Variants in EML2 observed in about 807,000 individuals in gnomAD.
The protein encoded by EML2 is EMAP like 2, also known as echinoderm microtubule-associated protein-like 2.
In EML2, 59 loss-of-function variants were observed where a neutral mutation model predicts 84.7. That is an observed-to-expected ratio of 0.70 (90% confidence interval 0.56 to 0.86). The LOEUF (loss-of-function observed/expected upper bound fraction) is 0.86, where lower values mean the gene tolerates loss of function less well. Among genes scored for constraint, EML2 ranks in the 40% least tolerant of loss-of-function variants. The pLI is 0.00. For missense variants in EML2, 818 were observed against 855.6 expected (o/e 0.96, Z 0.55); for synonymous variants, 352 against 348.9 (o/e 1.01, Z -0.10).
rs1245264666 is a variant in EML2, at chr19:45,613,609, T to G, written c.1756A>C (p.Lys586Gln). The G allele has an allele frequency of 3.1e-6, 5 of 1,613,844 alleles. No homozygotes were observed. The highest frequency in any genetic ancestry group is 4.2e-6 in the Non-Finnish European group (5 of 1,179,990). ...INAVARSHDG[K>Q]LLASADDFGK... ...AAGTCATCAGCTGAAGCCAGCAACT[T>G]CCCATCATGAGAGCGGGCCACAGCG... The change falls in exon 18 of 19, where the codon AAG becomes CAG. Residue 586 changes from lysine (K) to glutamine (Q), a missense_variant. Coordinates refer to ENST00000245925, the MANE Select transcript of EML2 (RefSeq NM_012155.4).
chr19:45,630,517 A>G (rs1020759708), intron 6 of EML2, among the ~76,000 whole-genome samples: 1 of 142,966 alleles, frequency 7.0e-6, no homozygotes, highest in Non-Finnish European at 1.5e-5. Flanking sequence ...GCGCCATTGC[A>G]CTCCAGCCTG....
intron 7 of EML2, 69 bp from the exon 8 acceptor site, chr19:45,626,908 C>T: frequency 6.8e-7 from 1 of 1,481,390 alleles, no homozygotes; most frequent in Non-Finnish European, 9.1e-7. Flanking sequence ...CCGCCCCTCA[C>T]AGGACTGCCC....
Position 45,633,096 on chromosome 19 carries a change from C to T in EML2, c.373G>A (p.Val125Met), listed in dbSNP as rs1175881363. The change falls in exon 5 of 19, where the codon GTG becomes ATG. Residue 125 changes from valine (V) to methionine (M), a missense_variant. By Grantham distance (21) the Val-to-Met change is conservative. Coordinates refer to ENST00000245925, the MANE Select transcript of EML2 (RefSeq NM_012155.4). Reference sequence around the variant, plus strand: ...TTCCCTTCCTTAGTGGTTCCCGCCACCTGTCCCGTGGCGATGGTGACCATA... The same window carrying T: ...TTCCCTTCCTTAGTGGTTCCCGCCATCTGTCCCGTGGCGATGGTGACCATA... Reference protein sequence around the residue: ...PDMVTIATGQVAGTTKEGKPL... With the variant: ...PDMVTIATGQMAGTTKEGKPL... 6.3e-7 allele frequency: 1 copy of T among 1,599,294 alleles called. No homozygotes were observed.
At chr19:45,644,967 G>A, upstream of EML2, 2 of 496,650 alleles carry the variant, frequency 4.0e-6, no homozygotes, top group Non-Finnish European at 7.5e-6. Flanking sequence ...AAAGGGCAGA[G>A]TTCCAGGCCC....
chr19:45,628,371 T>C (rs1228131636), intron 7 of EML2, among the ~76,000 whole-genome samples: 1 of 137,884 alleles, frequency 7.3e-6, no homozygotes, highest in African/African-American at 2.7e-5. Context: ...CCATCTCAAA[T>C]AGAAAAAAAA....
Position 45,634,458 on chromosome 19 carries a change from C to G in EML2, c.193G>C (p.Gly65Arg). 1 of 1,611,308 alleles carries G rather than the reference C, an allele frequency of 6.2e-7. No homozygotes were observed. The highest frequency in any genetic ancestry group is 8.5e-7 in the Non-Finnish European group (1 of 1,179,216). ...LKLEWVYGYR[G>R]RDCRANLYLL... ...TAAAGGTTGGCCCGGCAGTCTCGGC[C>G]ACGGTAGCCATAGCTGGAGCCACCC... Residue 65 changes from glycine to arginine, a missense_variant, in exon 4 of 19, where the codon GGC (glycine) becomes CGC (arginine). Gly to Arg is a moderately radical substitution (Grantham distance 125). Coordinates refer to ENST00000245925, the MANE Select transcript of EML2 (RefSeq NM_012155.4).
rs551057336 is a variant in EML2 at position 45,610,428 on chromosome 19, T to C, written c.1825-640A>G. On this transcript the variant is annotated intron_variant, in intron 18 of 18. Transcript: ENST00000245925. ...AAAGAACCAACAGAACAGCTGGGCATGGTGGCTCACGCCTGTAATCCCAGC... is the reference window on the plus strand; with the variant it reads ...AAAGAACCAACAGAACAGCTGGGCACGGTGGCTCACGCCTGTAATCCCAGC... Among the ~76,000 whole-genome samples the C allele has an allele frequency of 7.9e-5, 12 of 151,850 alleles. No individual in the cohort carries two copies. In the East Asian group the frequency reaches 1.8e-3, roughly 22 times the overall value.
At chr19:45,641,609 T>C (rs1209702388), upstream of EML2, 10 of 1,531,694 alleles carry the variant, frequency 6.5e-6, no homozygotes, top group Non-Finnish European at 8.7e-6. Context: ...TCCCTATCTC[T>C]TTCTGCGGCT....
chr19:45,638,850 C>T lies in EML2; in HGVS notation c.44G>A (p.Ser15Asn). 1 of 1,613,670 alleles carries T rather than the reference C, an allele frequency of 6.2e-7. No individual in the cohort carries two copies. Reference sequence around the variant, plus strand: ...TTCCCCATCTCCCCACTCACCCACACTGAAGATAACTTCTTTGGTTTTGCT... The same window carrying T: ...TTCCCCATCTCCCCACTCACCCACATTGAAGATAACTTCTTTGGTTTTGCT... Reference protein sequence around the residue: ...GAGKTKEVIFSVEDGSVKMFL... With the variant: ...GAGKTKEVIFNVEDGSVKMFL... Residue 15 changes from serine (S) to asparagine (N), a missense_variant, in exon 2 of 19, where the codon AGT (serine) becomes AAT (asparagine). Transcript: ENST00000245925.
At chr19:45,616,112 C>G (rs1265352623) in intron 15 of EML2, 8 of 578,548 alleles carry the variant, frequency 1.4e-5, no homozygotes, top group Non-Finnish European at 2.2e-5. Flanking sequence ...GCACTTAGAA[C>G]ACAATGGGAG....
chr19:45,633,232 A>G, intron 4 of EML2, 93 bp from the exon 5 acceptor site: 2 of 1,258,352 alleles, frequency 1.6e-6, no homozygotes, highest in South Asian at 1.3e-5. Context: ...TGGCTGGTTG[A>G]GTTTAGTCAA....
upstream of EML2, chr19:45,641,720 G>T: frequency 6.5e-7 from 1 of 1,536,172 alleles, no homozygotes; most frequent in Non-Finnish European, 8.7e-7. Flanking sequence ...GAGGCGAGGC[G>T]CTCTGGTGAC....
chr19:45,642,916 T>C (rs1163646993), upstream of EML2: 1 of 139,934 alleles, frequency 7.1e-6, no homozygotes, highest in African/African-American at 2.7e-5. Context: ...ACCCGGGGGG[T>C]CGGAGGTTGC....
intron 1 of EML2, 179 bp downstream of exon 1, chr19:45,639,178 G>T: frequency 1.4e-6 from 1 of 716,812 alleles, no homozygotes; most frequent in Non-Finnish European, 2.2e-6. Flanking sequence ...GCTCCCCAGC[G>T]CCCCCCACCC....
intron 7 of EML2, among the ~76,000 whole-genome samples, chr19:45,627,715 C>G (rs1972537623): frequency 6.6e-6 from 1 of 152,204 alleles, no homozygotes; most frequent in African/African-American, 2.4e-5. Context: ...TCCTTTAATC[C>G]TCCATCTCCC....
intron 6 of EML2, 193 bp downstream of exon 6, chr19:45,632,668 G>A (rs1032765275): frequency 1.7e-6 from 1 of 574,760 alleles, no homozygotes; most frequent in Non-Finnish European, 3.1e-6. Flanking sequence ...TAAAATGCCT[G>A]AGAGGGCTGG....
Position 45,634,456 on chromosome 19 carries a change from G to A in EML2, c.195C>T (p.Gly65=). ...LKLEWVYGYR[G]RDCRANLYLL... ...AATAAAGGTTGGCCCGGCAGTCTCG[G>A]CCACGGTAGCCATAGCTGGAGCCAC... The change falls in exon 4 of 19, where the codon GGC becomes GGT. Residue 65 remains glycine, a synonymous_variant. Transcript: ENST00000245925. 2 of 1,611,196 alleles carry A rather than the reference G, an allele frequency of 1.2e-6. No individual in the cohort carries two copies. The highest frequency in any genetic ancestry group is 2.2e-5 in the South Asian group (2 of 90,846).
rs1201834595 is a variant in EML2 at position 45,614,588 on chromosome 19, C to G, written c.1693+17G>C. On this transcript the variant is annotated intron_variant, in intron 17 of 18. Transcript: ENST00000245925. ...AACTACTGTCCTCAGTGAGACCTCT[C>G]TCATTCCAGAACTCACCAAACACCC... 3.7e-6 allele frequency: 6 copies of G among 1,610,054 alleles called. No homozygotes were observed. The highest frequency in any genetic ancestry group is 5.1e-6 in the Non-Finnish European group (6 of 1,176,320).
upstream of EML2, chr19:45,641,702 G>T: frequency 6.5e-7 from 1 of 1,536,030 alleles, no homozygotes; most frequent in Non-Finnish European, 8.7e-7. Context: ...GGGTCCTCAC[G>T]GCGCACCGAG....
Sources: gnomAD v4.1 joint callset for allele counts (sites outside exome capture counted in the v4.1 genomes callset) on GRCh38, gnomAD v4.1.1 for gene constraint, MANE v1.5 for transcripts, NCBI Gene and HGNC (gene_info 2026-07-23, HGNC 2026-07-21) for gene names.